The following PRLR variants were observed in gnomAD, a reference collection of about 807,000 sequenced individuals.
PRLR encodes hPRL receptor.
Under a neutral mutation model 40.2 loss-of-function variants are expected in PRLR, and 13 were observed. The observed-to-expected ratio is 0.32, with a 90% confidence interval of 0.21 to 0.51. PRLR has a LOEUF of 0.51. PRLR is among the 20% of genes least tolerant of loss of function. The probability of loss-of-function intolerance (pLI) is 0.97; values close to 1 mark genes in which losing one functional copy is unlikely to be tolerated. For synonymous variants in PRLR, 269 were observed against 278.7 expected (o/e 0.97, Z 0.35); for missense variants, 656 against 747.3 (o/e 0.88, Z 1.42).
At position 35,086,284 on chromosome 5, in the gene PRLR, T is replaced by C; in HGVS notation, c.127A>G (p.Thr43Ala). Reference protein sequence around the residue: ...IFKCRSPNKETFTCWWRPGTD... With the variant: ...IFKCRSPNKEAFTCWWRPGTD... ...CCAGGCCTCCACCAGCAGGTGAATG[T>C]TTCCTTATTGGGAGAACGACATTTA... is the stretch of plus-strand genomic sequence containing the variant. The change falls in exon 4 of 10, where the codon ACA becomes GCA. Residue 43 changes from threonine (T) to alanine (A), a missense_variant. By Grantham distance (58) the Thr-to-Ala change is moderately conservative (BLOSUM62 0). Coordinates refer to ENST00000618457, the MANE Select transcript of PRLR (RefSeq NM_000949.7). The C allele has an allele frequency of 6.2e-7, 1 of 1,614,078 alleles. No homozygotes were observed. Among genetic ancestry groups the C allele is most frequent in the Non-Finnish European group, 8.5e-7 (1 of 1,179,952 alleles).
In PRLR at chr5:35,056,794, G is replaced by A. The variant is rs916502819; in HGVS notation, c.*8295C>T. Reference sequence around the variant, plus strand: ...TCAATATAAGCACAGGAGAGCCAGCGTTTCTGTGACTGAAGCCAAGTTTTT... The same window carrying A: ...TCAATATAAGCACAGGAGAGCCAGCATTTCTGTGACTGAAGCCAAGTTTTT... On this transcript the variant is annotated 3_prime_UTR_variant, in exon 10 of 10. Transcript: ENST00000618457. 7.2e-5 allele frequency: 11 copies of A among 152,200 alleles called. No homozygotes were observed. Among genetic ancestry groups the A allele is most frequent in the Middle Eastern group, 3.4e-3 (1 of 294 alleles). 9.4% of individuals were successfully genotyped at this position (152,200 alleles called of 1,614,324 possible).
intron 1 of PRLR, among the ~76,000 whole-genome samples, chr5:35,222,155 T>G (rs1051841448): frequency 1.3e-5 from 2 of 151,946 alleles, no homozygotes; most frequent in African/African-American, 4.8e-5. Context: ...ATACAAAAAT[T>G]AGCCGGGCTT....
intron 1 of PRLR, among the ~76,000 whole-genome samples, chr5:35,219,967 C>T (rs1055388845): frequency 1.3e-5 from 2 of 152,132 alleles, no homozygotes; most frequent in African/African-American, 4.8e-5. Context: ...CCATGCTGGC[C>T]ATACCTCCAA....
At chr5:35,096,418 A>G (rs946994099) in intron 2 of PRLR, among the ~76,000 whole-genome samples, 4 of 152,190 alleles carry the variant, frequency 2.6e-5, no homozygotes, top group Admixed American at 2.6e-4. Flanking sequence ...CATGTAGGAC[A>G]GATGGTGGAA....
chr5:35,054,616 T>C (rs967646451), downstream of PRLR, among the ~76,000 whole-genome samples: 1 of 152,208 alleles, frequency 6.6e-6, no homozygotes, highest in Non-Finnish European at 1.5e-5. Context: ...TATATGTGTA[T>C]ACAACCACAG....
At chr5:35,209,084 A>C (rs562551344) in intron 1 of PRLR, among the ~76,000 whole-genome samples, 2 of 152,222 alleles carry the variant, frequency 1.3e-5, no homozygotes, top group East Asian at 3.9e-4. Context: ...ATATGTATAC[A>C]ATCTATTCCT....
rs530126958 is a variant in PRLR, at chr5:35,176,840, A to G, written c.-106+53428T>C. Among the ~76,000 whole-genome samples, 363 of 152,260 alleles carry G rather than the reference A, an allele frequency of 2.4e-3. 2 individuals are homozygous for G. The highest frequency in any genetic ancestry group is 8.3e-3 in the African/African-American group (346 of 41,548). ...TGCTGAGGAGGATTAGTATAAGAGG[A>G]AGGCATGCCTCTTGCAGTTGAGACA... On this transcript the variant is annotated intron_variant, in intron 1 of 9. Transcript: ENST00000618457.
intron 2 of PRLR, among the ~76,000 whole-genome samples, chr5:35,098,598 T>C (rs1771675530): frequency 2.0e-5 from 3 of 152,244 alleles, no homozygotes; most frequent in African/African-American, 7.2e-5. Context: ...GAATGTGCTG[T>C]TCATCCAAAC....
intron 2 of PRLR, among the ~76,000 whole-genome samples, chr5:35,104,351 C>G (rs564974197): frequency 3.3e-5 from 5 of 152,114 alleles, no homozygotes; most frequent in African/African-American, 9.7e-5. Flanking sequence ...ACTGAGGTAC[C>G]GGGTTCATCT....
At position 35,049,266 on chromosome 5, in the gene PRLR, T is replaced by A. The variant is rs984091098; in HGVS notation, c.*21A>T. On this transcript the variant is annotated 3_prime_UTR_variant, in exon 9 of 9. Coordinates refer to the PRLR transcript ENST00000231423. ...GGGAGAAAATGTTGAGTTCCTGAAT[T>A]CTGGTATATGCTCTTCAGCTCTACT... 4.3e-6 allele frequency: 3 copies of A among 703,264 alleles called. No individual in the cohort carries two copies. In the African/African-American group the frequency reaches 5.2e-5, roughly 12 times the overall value. 43.6% of individuals were successfully genotyped at this position (703,264 alleles called of 1,614,324 possible). A position where few individuals can be genotyped will look rare whatever the true frequency, so the allele number is the denominator to read the frequency against.
At chr5:35,132,253 A>G (rs1773713397) in intron 1 of PRLR, among the ~76,000 whole-genome samples, 2 of 152,184 alleles carry the variant, frequency 1.3e-5, no homozygotes, top group African/African-American at 4.8e-5. Context: ...TGTGGTCTCT[A>G]AAGTCTCTAG....
chr5:35,093,221 T>A (rs553363045), intron 2 of PRLR, among the ~76,000 whole-genome samples: 2 of 152,180 alleles, frequency 1.3e-5, no homozygotes, highest in South Asian at 4.2e-4. Flanking sequence ...GACCATACTA[T>A]CCACATTAGG....
At chr5:35,203,373 A>G (rs887335919) in intron 1 of PRLR, among the ~76,000 whole-genome samples, 1 of 152,212 alleles carries the variant, frequency 6.6e-6, no homozygotes, top group Admixed American at 6.5e-5. Flanking sequence ...TCAGCAGAAC[A>G]TTGTGTTGAG....
chr5:35,217,323 A>T (rs1167733951), intron 1 of PRLR, among the ~76,000 whole-genome samples: 1 of 152,230 alleles, frequency 6.6e-6, no homozygotes, highest in East Asian at 1.9e-4. Flanking sequence ...AACTCTGTCT[A>T]GATTATTTGT....
At chr5:35,070,681 TA>T (rs1769689985) in intron 6 of PRLR, among the ~76,000 whole-genome samples, 1 of 151,064 alleles carries the variant, frequency 6.6e-6, no homozygotes, top group African/African-American at 2.4e-5. Context: ...CTGTCTCTAC[TA>T]AAAATACAAA....
intron 2 of PRLR, among the ~76,000 whole-genome samples, chr5:35,094,734 T>C (rs1213298743): frequency 6.6e-6 from 1 of 152,084 alleles, no homozygotes; most frequent in Admixed American, 6.5e-5. Context: ...TTTCCTTACC[T>C]GCCTTGTTCT....
chr5:35,155,461 T>A (rs1168832629), intron 1 of PRLR, among the ~76,000 whole-genome samples: 2 of 147,580 alleles, frequency 1.4e-5, no homozygotes, highest in African/African-American at 2.5e-5. Context: ...AAGCCACAGC[T>A]AAAAAAAAAA....
intron 1 of PRLR, among the ~76,000 whole-genome samples, chr5:35,133,618 T>A (rs893030623): frequency 2.0e-5 from 3 of 152,348 alleles, no homozygotes; most frequent in African/African-American, 7.2e-5. Flanking sequence ...GCTTGAATGT[T>A]CTTCCTTCTA....
chr5:35,217,132 G>A (rs1204027285), intron 1 of PRLR, among the ~76,000 whole-genome samples: 1 of 152,140 alleles, frequency 6.6e-6, no homozygotes, highest in Non-Finnish European at 1.5e-5. Flanking sequence ...TTTCTGTTGA[G>A]AAACTTCTGA....
Sources: gnomAD v4.1 joint callset for allele counts (sites outside exome capture counted in the v4.1 genomes callset) on GRCh38, gnomAD v4.1.1 for gene constraint, MANE v1.5 for transcripts, NCBI Gene and HGNC (gene_info 2026-07-23, HGNC 2026-07-21) for gene names.